SPIRE2: variants seen among roughly 807,000 people sequenced by gnomAD.
SPIRE2 encodes the protein spire type actin nucleation factor 2.
Under a neutral mutation model 80.7 loss-of-function variants are expected in SPIRE2, and 76 were observed. The observed-to-expected ratio is 0.94, with a 90% CI of 0.78 to 1.14. SPIRE2 has a LOEUF of 1.14. SPIRE2 is among the 50% of genes most tolerant of loss of function. The probability of loss-of-function intolerance (pLI) is 0.00; values close to 1 mark genes in which losing one functional copy is unlikely to be tolerated. For synonymous variants in SPIRE2, 535 were observed against 432.6 expected, an observed-to-expected ratio of 1.24 and a Z score of -2.94; for missense variants, 1,196 against 1,015.3, an observed-to-expected ratio of 1.18 and a Z score of -2.42.
intron 1 of SPIRE2, 106 bp from the exon 2 acceptor site, chr16:89,845,216 G>C: frequency 1.0e-6 from 1 of 1,002,168 alleles, no homozygotes; most frequent in South Asian, 1.3e-5. Flanking sequence ...TTCCGGCGGA[G>C]AGTGGGGCTG....
At chr16:89,841,528 G>A (rs1001037496) in intron 1 of SPIRE2, among the ~76,000 whole-genome samples, 5 of 152,130 alleles carry the variant, frequency 3.3e-5, no homozygotes, top group Non-Finnish European at 1.5e-5. Context: ...TGTTCGGCTG[G>A]GTTGCTTGCT....
intron 8 of SPIRE2, among the ~76,000 whole-genome samples, chr16:89,858,911 T>TG (rs947048711): frequency 2.0e-5 from 3 of 152,186 alleles, no homozygotes; most frequent in Admixed American, 2.0e-4. Flanking sequence ...ATGGCCTTGT[T>TG]GGGGGCCATC....
In SPIRE2 at chr16:89,863,173, G is replaced by A. The variant is rs546948128; in HGVS notation, c.1576-303G>A. Reference sequence around the variant, plus strand: ...TGGCTGGTGTGGATCAGCCCATGGTGTGTTTGCAGGCAGGGACACCTTGAA... The same window carrying A: ...TGGCTGGTGTGGATCAGCCCATGGTATGTTTGCAGGCAGGGACACCTTGAA... On this transcript the variant is annotated intron_variant, in intron 10 of 14. Transcript: ENST00000378247. This position sits in a 1 kb window ranked among gnomAD's most constrained non-coding sequence, Gnocchi z 4.3. 6.3e-4 allele frequency: 276 copies of A among 436,280 alleles called. 3 individuals carry two copies. The highest frequency in any genetic ancestry group is 6.1e-3 in the South Asian group (257 of 42,066). The allele number at this position is 436,280 out of a possible 1,614,324, so 27.0% of individuals were successfully genotyped here. A position where few individuals can be genotyped will look rare whatever the true frequency, so the allele number is the denominator to read the frequency against.
At chr16:89,849,011 G>A (rs1310403223) in intron 2 of SPIRE2, among the ~76,000 whole-genome samples, 1 of 152,064 alleles carries the variant, frequency 6.6e-6, no homozygotes, top group Non-Finnish European at 1.5e-5. Flanking sequence ...GGCCTTCTGT[G>A]GCGTTTCTGC....
chr16:89,860,694 G>A lies in SPIRE2; in HGVS notation c.1474G>A (p.Ala492Thr), dbSNP rs28478911. 97 of 1,590,246 alleles carry A rather than the reference G, an allele frequency of 6.1e-5. No individual in the cohort carries two copies. The African/African-American group carries it at 7.8e-4, about 13-fold the overall frequency. Residue 492 changes from alanine (A) to threonine (T), a missense_variant, in exon 10 of 15, where the codon GCG becomes ACG. Physicochemically the swap from Ala to Thr is moderately conservative, Grantham distance 58. Coordinates refer to ENST00000378247, the MANE Select transcript of SPIRE2 (RefSeq NM_032451.2). The part of the protein sequence containing the change: ...PGSRDQGTCP[A>T]SVSDPSHPLL... ...CTGCTCTCCCCCAGGTACCTGTCCC[G>A]CGAGTGTCTCTGACCCCAGCCACCC...
intron 1 of SPIRE2, among the ~76,000 whole-genome samples, chr16:89,839,277 G>A (rs2041480629): frequency 2.0e-5 from 3 of 152,074 alleles, no homozygotes. Context: ...AGGAGGCTGA[G>A]GCAGGAGAAT....
rs140635976 is a variant in SPIRE2, at chr16:89,839,079, C to G, written c.245-6243C>G. On this transcript the variant is annotated intron_variant, in intron 1 of 14. Transcript: ENST00000378247. ...GGAGGGGGCTGGGCGCTGTGGCTCA[C>G]GCCTGTAATCCCAGCACTTTGGGAG... Among the ~76,000 whole-genome samples, 46 of 151,714 alleles carry G rather than the reference C, an allele frequency of 3.0e-4. No individual in the cohort carries two copies. The East Asian group carries it at 8.9e-3, about 29-fold the overall frequency.
Position 89,850,584 on chromosome 16 carries a change from A to G in SPIRE2, c.569A>G (p.Gln190Arg), listed in dbSNP as rs1353963906. Reference protein sequence around the residue: ...TDPRGAQAHYQAVCRALFVET... With the variant: ...TDPRGAQAHYRAVCRALFVET... ...CCCCGGGGCGCACAGGCGCATTACC[A>G]GGCCGTGTGCCGCGCGCTCTTCGTG... The change falls in exon 3 of 15, where the codon CAG becomes CGG. Residue 190 changes from glutamine (Q) to arginine (R), a missense_variant. Coordinates refer to ENST00000378247, the MANE Select transcript of SPIRE2 (RefSeq NM_032451.2). 1.3e-6 allele frequency: 2 copies of G among 1,517,246 alleles called. No individual in the cohort carries two copies. The highest frequency in any genetic ancestry group is 1.8e-6 in the Non-Finnish European group (2 of 1,137,714). 94.0% of individuals were successfully genotyped at this position (1,517,246 alleles called of 1,614,324 possible).
In SPIRE2 at chr16:89,853,711, G is replaced by T. The variant is rs145570753; in HGVS notation, c.646-575G>T. On this transcript the variant is annotated intron_variant, in intron 3 of 14. Coordinates refer to ENST00000378247, the MANE Select transcript of SPIRE2 (RefSeq NM_032451.2). ...GCAGAGGCTGCGTGCCACCGAGATC[G>T]TGCGTGACGGAGGCAGCAGGTGCCG... is the stretch of plus-strand genomic sequence containing the variant. Among the ~76,000 whole-genome samples, 427 of 152,210 alleles carry T rather than the reference G, an allele frequency of 2.8e-3. 2 individuals carry two copies. The highest frequency in any genetic ancestry group is 9.8e-3 in the African/African-American group (408 of 41,522).
chr16:89,833,730 C>T (rs536028231), intron 1 of SPIRE2, among the ~76,000 whole-genome samples: 44 of 152,356 alleles, frequency 2.9e-4, no homozygotes, highest in Non-Finnish European at 4.4e-4. Context: ...CACCTGTGCA[C>T]TCGCTGGACC....
intron 3 of SPIRE2, among the ~76,000 whole-genome samples, chr16:89,852,143 C>G (rs1398127716): frequency 3.7e-4 from 8 of 21,406 alleles, no homozygotes; most frequent in South Asian, 3.5e-3. Context: ...CCCCCCACCC[C>G]CCAGATCCCA....
At chr16:89,855,999 G>A (rs1294878126) in intron 6 of SPIRE2, 114 bp from the exon 7 acceptor site, 11 of 1,499,970 alleles carry the variant, frequency 7.3e-6, no homozygotes, top group Non-Finnish European at 9.8e-6. Context: ...CGACTCCAGA[G>A]TGGGCCCGTG....
chr16:89,848,043 G>A (rs2041580456), intron 2 of SPIRE2, among the ~76,000 whole-genome samples: 1 of 152,218 alleles, frequency 6.6e-6, no homozygotes, highest in East Asian at 1.9e-4. Context: ...AGCACGAGCT[G>A]AGGCCAGCCC....
At chr16:89,854,684 A>T in intron 5 of SPIRE2, 33 bp downstream of exon 5, 1 of 1,599,160 alleles carries the variant, frequency 6.3e-7, no homozygotes, top group South Asian at 1.1e-5. Context: ...GGCAGCCTGG[A>T]TGCAGAGGTC....
intron 3 of SPIRE2, among the ~76,000 whole-genome samples, chr16:89,852,536 G>A (rs920654343): frequency 2.2e-4 from 2 of 9,154 alleles, no homozygotes; most frequent in Non-Finnish European, 4.2e-4. Flanking sequence ...TCCACCCCCC[G>A]GATCCCCTGG....
chr16:89,845,237 C>T (rs1041572457), intron 1 of SPIRE2, 85 bp from the exon 2 acceptor site: 3 of 1,226,220 alleles, frequency 2.4e-6, no homozygotes, highest in Admixed American at 1.7e-5. Context: ...TGGTGTGTGT[C>T]CCCGAGGGGG....
chr16:89,866,802 G>C (rs532548099), intron 12 of SPIRE2, among the ~76,000 whole-genome samples: 123 of 151,246 alleles, frequency 8.1e-4, no homozygotes, highest in Non-Finnish European at 1.4e-3. Flanking sequence ...GTAGAGACGG[G>C]GTTTCACCAT....
At chr16:89,866,834 C>T (rs978637823) in intron 12 of SPIRE2, among the ~76,000 whole-genome samples, 16 of 150,150 alleles carry the variant, frequency 1.1e-4, no homozygotes, top group African/African-American at 3.9e-4. Context: ...TGGTCTCGAT[C>T]TCCTGACCTC....
intron 1 of SPIRE2, among the ~76,000 whole-genome samples, chr16:89,829,037 C>T (rs567876633): frequency 6.6e-6 from 1 of 152,236 alleles, no homozygotes; most frequent in African/African-American, 2.4e-5. Context: ...CCCGGACCCC[C>T]CCACCTGACG....
Sources: allele counts gnomAD v4.1 joint callset (sites outside exome capture counted in the v4.1 genomes callset), GRCh38; gene constraint gnomAD v4.1.1; non-coding constraint Gnocchi (gnomAD v3.1); transcripts MANE v1.5; gene names NCBI Gene and HGNC (gene_info 2026-07-23, HGNC 2026-07-21).